OPRM1: variants seen among roughly 807,000 people sequenced by gnomAD.
OPRM1 encodes the protein mu-type opioid receptor.
Under a neutral mutation model 31.8 loss-of-function variants are expected in OPRM1, and 27 were observed. The ratio of observed to expected loss-of-function variants is 0.85; its 90% confidence interval spans 0.63 to 1.17. OPRM1 has a LOEUF of 1.17. Ranked by LOEUF, OPRM1 falls within the 50% of genes most tolerant of loss-of-function variation. The pLI is 0.00. For missense variants in OPRM1, 536 were observed against 511.1 expected (o/e 1.05, Z -0.47); for synonymous variants, 196 against 189.9 (o/e 1.03, Z -0.26).
chr6:154,129,982 T>A lies in OPRM1; in HGVS notation c.*11261T>A, dbSNP rs929998935. Among the ~76,000 whole-genome samples the A allele has an allele frequency of 1.3e-5, 2 of 152,102 alleles. No homozygotes were observed. On this transcript the variant is annotated 3_prime_UTR_variant, in exon 4 of 4. Coordinates refer to ENST00000330432, the MANE Select transcript of OPRM1 (RefSeq NM_000914.5). ...TACAATTTACCAAAGGCTTACCTCC[T>A]TATTTGAAACTCCAGCATCAATAAT...
At chr6:154,113,097 G>T (rs959470081) in intron 3 of OPRM1, among the ~76,000 whole-genome samples, 1 of 152,160 alleles carries the variant, frequency 6.6e-6, no homozygotes, top group Non-Finnish European at 1.5e-5. Context: ...CCTCCATTCA[G>T]CCAGACTGTA....
chr6:154,152,340 AAAGAAAGGAAAG>A lies in OPRM1; in HGVS notation c.1164+60871_1164+60882del, dbSNP rs1235920545. On this transcript the variant is annotated intron_variant, in intron 3 of 3. Coordinates refer to the OPRM1 transcript ENST00000337049. ...GAAAGAAAGAAAGAAAGAAAGAAAG[AAAGAAAGGAAAG>A]AAAGAAAGAAAGAAAGAAAGAAAGA... Among the ~76,000 whole-genome samples the A allele has an allele frequency of 7.1e-4, 7 of 9,814 alleles. 1 individual carries two copies. Among genetic ancestry groups the A allele is most frequent in the East Asian group, 7.1e-3 (1 of 140 alleles). The allele number at this position is 9,814 out of a possible 152,430, so 6.4% of individuals were successfully genotyped here. A position where few individuals can be genotyped will look rare whatever the true frequency, so the allele number is the denominator to read the frequency against.
At chr6:154,214,366 A>G (rs1045820803) in intron 3 of OPRM1, 1 of 896,066 alleles carries the variant, frequency 1.1e-6, no homozygotes, top group Non-Finnish European at 1.9e-6. Flanking sequence ...AAATTAGGTC[A>G]TGATTCTACC....
At chr6:154,096,508 TCAATGG>T (rs1445649755) in intron 3 of OPRM1, among the ~76,000 whole-genome samples, 3 of 152,080 alleles carry the variant, frequency 2.0e-5, no homozygotes, top group Non-Finnish European at 4.4e-5. Context: ...GCCATTACTT[TCAATGG>T]CAAAAACCGC....
At chr6:154,099,520 A>G (rs1272868541) in intron 3 of OPRM1, among the ~76,000 whole-genome samples, 1 of 151,394 alleles carries the variant, frequency 6.6e-6, no homozygotes, top group Non-Finnish European at 1.5e-5. Flanking sequence ...GGAAAGAATG[A>G]GAGAAAGAGG....
intron 1 of OPRM1, among the ~76,000 whole-genome samples, chr6:154,056,705 C>T (rs1783375259): frequency 6.6e-6 from 1 of 151,934 alleles, no homozygotes; most frequent in Non-Finnish European, 1.5e-5. Context: ...ATTTTTTCAC[C>T]GAAATGCTGG....
At chr6:154,041,313 T>G (rs1335080336) in intron 1 of OPRM1, among the ~76,000 whole-genome samples, 1 of 152,154 alleles carries the variant, frequency 6.6e-6, no homozygotes, top group Non-Finnish European at 1.5e-5. Context: ...TGCAAGAAGA[T>G]CGATGGAAGT....
intron 3 of OPRM1, among the ~76,000 whole-genome samples, chr6:154,144,170 T>C (rs1319598233): frequency 1.3e-5 from 2 of 152,174 alleles, no homozygotes; most frequent in East Asian, 1.9e-4. Flanking sequence ...GAAATAGAAT[T>C]TGTTATTTTA....
At position 154,120,981 on chromosome 6, in the gene OPRM1, G is replaced by A. The variant is rs765153851; in HGVS notation, c.*2260G>A. Among the ~76,000 whole-genome samples the A allele has an allele frequency of 3.9e-5, 6 of 152,086 alleles. No homozygotes were observed. Among genetic ancestry groups the A allele is most frequent in the South Asian group, 2.1e-4 (1 of 4,830 alleles). ...AATAATAAATAAGGTCATTGTCAAC[G>A]TTTTTCATTCAAAACCATTTTTTAA... On this transcript the variant is annotated 3_prime_UTR_variant, in exon 4 of 4. Coordinates refer to ENST00000330432, the MANE Select transcript of OPRM1 (RefSeq NM_000914.5).
At chr6:154,245,857 C>T (rs7755659) in intron 3 of OPRM1, among the ~76,000 whole-genome samples, 127,904 of 152,220 alleles carry the variant, frequency 0.84, 54,570 homozygotes, top group Middle Eastern at 0.88. Flanking sequence ...ATTCAGGTCA[C>T]GAAAGATCAG....
downstream of OPRM1, among the ~76,000 whole-genome samples, chr6:154,132,748 G>A (rs184560538): frequency 2.3e-3 from 352 of 152,294 alleles, 2 homozygotes; most frequent in African/African-American, 8.2e-3. Context: ...AGTTTGATAA[G>A]GTGAAATTCA....
intron 3 of OPRM1, chr6:154,154,501 A>G (rs1436833214): frequency 6.6e-6 from 1 of 152,200 alleles, no homozygotes; most frequent in Non-Finnish European, 1.5e-5. Flanking sequence ...ACAGATTTCC[A>G]ATATAATTAG....
At chr6:154,105,946 C>G (rs765765136) in intron 3 of OPRM1, among the ~76,000 whole-genome samples, 1 of 152,110 alleles carries the variant, frequency 6.6e-6, no homozygotes, top group Non-Finnish European at 1.5e-5. Context: ...CCTTTTATAA[C>G]CATTTACATT....
intron 3 of OPRM1, among the ~76,000 whole-genome samples, chr6:154,103,152 C>A (rs1217999495): frequency 2.0e-5 from 3 of 151,930 alleles, no homozygotes; most frequent in Non-Finnish European, 4.4e-5. Context: ...GAGTTGTGGA[C>A]AAACTACAAT....
chr6:154,242,402 G>A (rs1583887177), intron 3 of OPRM1, among the ~76,000 whole-genome samples: 1 of 152,120 alleles, frequency 6.6e-6, no homozygotes, highest in South Asian at 2.1e-4. Flanking sequence ...CATGGGCAAC[G>A]TAAATGCCGA....
At chr6:154,016,546 A>G (rs12208467) in intron 1 of OPRM1, among the ~76,000 whole-genome samples, 4,821 of 152,300 alleles carry the variant, frequency 0.032, 128 homozygotes, top group East Asian at 0.091. Context: ...AAGAGTAGCT[A>G]AACTTCTTTA....
Position 154,126,606 on chromosome 6 carries a change from A to G in OPRM1, c.*7885A>G, listed in dbSNP as rs961146777. Among the ~76,000 whole-genome samples the G allele has an allele frequency of 2.0e-5, 3 of 152,120 alleles. No individual in the cohort carries two copies. Among genetic ancestry groups the G allele is most frequent in the Non-Finnish European group, 2.9e-5 (2 of 68,014 alleles). On this transcript the variant is annotated 3_prime_UTR_variant, in exon 4 of 4. Coordinates refer to ENST00000330432, the MANE Select transcript of OPRM1 (RefSeq NM_000914.5). ...TGTGGTGGCAATGTCACCACCCTAC[A>G]CTGCTGTGACACCGAAACAACCAAG...
chr6:154,020,757 T>C (rs1778318807), intron 1 of OPRM1, among the ~76,000 whole-genome samples: 1 of 152,210 alleles, frequency 6.6e-6, no homozygotes, highest in Admixed American at 6.5e-5. Context: ...TGGTATCTCG[T>C]TTTAATTTGC....
At chr6:154,212,791 G>C in intron 3 of OPRM1, 1 of 1,612,476 alleles carries the variant, frequency 6.2e-7, no homozygotes, top group South Asian at 1.1e-5. Context: ...TCTGGGAAGC[G>C]TGAGGAGGGG....
Sources: allele counts gnomAD v4.1 joint callset (sites outside exome capture counted in the v4.1 genomes callset), GRCh38; gene constraint gnomAD v4.1.1; transcripts MANE v1.5; gene names NCBI Gene and HGNC (gene_info 2026-07-23, HGNC 2026-07-21).